Variants in DHRSX observed in about 807,000 individuals in gnomAD.
The protein encoded by DHRSX is polyprenol dehydrogenase.
DHRSX carries 31 observed loss-of-function variants against 34.0 expected under a neutral mutation model. That is an observed-to-expected ratio of 0.91 (90% CI 0.69 to 1.23). The LOEUF is 1.23. Among genes scored for constraint, DHRSX ranks in the 50% most tolerant of loss-of-function variants. DHRSX has a pLI of 0.00. For missense variants in DHRSX, 414 were observed against 428.1 expected, an observed-to-expected ratio of 0.97 and a Z score of 0.29; for synonymous variants, 201 against 183.8, an observed-to-expected ratio of 1.09 and a Z score of -0.76.
intron 6 of DHRSX, among the ~76,000 whole-genome samples, chrX:2,229,026 G>A (rs371694468): frequency 1.8e-4 from 28 of 152,240 alleles, no homozygotes; most frequent in African/African-American, 6.0e-4. Context: ...GGGCTTGGGC[G>A]GCAAACGCTC....
chrX:2,469,655 C>T (rs992905563), intron 1 of DHRSX, among the ~76,000 whole-genome samples: 9 of 151,438 alleles, frequency 5.9e-5, no homozygotes, highest in Non-Finnish European at 7.4e-5. Flanking sequence ...GGACTGCCAC[C>T]GTGTACACAC....
chrX:2,489,722 T>A, intron 1 of DHRSX: 1 of 1,613,088 alleles, frequency 6.2e-7, no homozygotes, highest in Admixed American at 1.7e-5. Context: ...CTGCTTCTCA[T>A]AGAGCATGTA....
At chrX:2,479,916 G>A (rs1487801308) in intron 1 of DHRSX, among the ~76,000 whole-genome samples, 1 of 152,186 alleles carries the variant, frequency 6.6e-6, no homozygotes, top group East Asian at 1.9e-4. Context: ...AGGGACGGAC[G>A]CCATGGACAC....
rs191740338 is a variant in DHRSX at position 2,395,011 on chromosome X, A to T, written c.286+13734T>A. Among the ~76,000 whole-genome samples, 440 of 152,098 alleles carry T rather than the reference A, an allele frequency of 2.9e-3. 1 individual carries two copies. Among genetic ancestry groups the T allele is most frequent in the African/African-American group, 0.01 (423 of 41,478 alleles). The stretch of plus-strand genomic sequence containing the variant: ...GGACAAGTGGTCCGAGTTACAGGTG[A>T]TGGGGAGAGGTTCGAGTCCCAGGTG... On this transcript the variant is annotated intron_variant, in intron 3 of 6. Coordinates refer to ENST00000334651, the MANE Select transcript of DHRSX (RefSeq NM_145177.3).
chrX:2,458,899 G>A (rs1381396613), intron 1 of DHRSX, among the ~76,000 whole-genome samples: 1 of 151,976 alleles, frequency 6.6e-6, no homozygotes, highest in Non-Finnish European at 1.5e-5. Flanking sequence ...CAGCTACTTG[G>A]GAGGCTGAGG....
At chrX:2,427,827 G>C (rs1487900769) in intron 1 of DHRSX, among the ~76,000 whole-genome samples, 1 of 152,078 alleles carries the variant, frequency 6.6e-6, no homozygotes, top group Non-Finnish European at 1.5e-5. Context: ...AACATATTTG[G>C]AATGTTCTTT....
intron 6 of DHRSX, among the ~76,000 whole-genome samples, chrX:2,223,103 G>A (rs758661790): frequency 6.6e-6 from 1 of 152,274 alleles, no homozygotes; most frequent in South Asian, 2.1e-4. Flanking sequence ...AGATTTGGAG[G>A]CTGATACGGT....
chrX:2,426,745 C>A lies in DHRSX; in HGVS notation c.110-1441G>T, dbSNP rs1042481482. ...CACTTCTTTCTCTCACTTTTTCCTT[C>A]CTTCCTTCCCTTCCCTTCCTTTCCT... On this transcript the variant is annotated intron_variant, in intron 1 of 6. Transcript: ENST00000334651. Among the ~76,000 whole-genome samples the A allele has an allele frequency of 2.7e-5, 4 of 147,790 alleles. No homozygotes were observed. In the Admixed American group the frequency reaches 2.7e-4, roughly 10 times the overall value.
chrX:2,275,157 A>T (rs2041608651), intron 4 of DHRSX, among the ~76,000 whole-genome samples: 1 of 151,932 alleles, frequency 6.6e-6, no homozygotes, highest in Admixed American at 6.6e-5. Flanking sequence ...CTATTTATTT[A>T]TTTTTGTCAA....
chrX:2,404,350 G>C (rs1382096981), intron 3 of DHRSX, among the ~76,000 whole-genome samples: 1 of 152,158 alleles, frequency 6.6e-6, no homozygotes, highest in East Asian at 1.9e-4. Context: ...TTGAAAACCT[G>C]CTGCAAATGA....
At chrX:2,397,049 A>G (rs1420907208) in intron 3 of DHRSX, among the ~76,000 whole-genome samples, 30 of 152,006 alleles carry the variant, frequency 2.0e-4, no homozygotes, top group Admixed American at 2.0e-3. Context: ...CGCCCAAGCT[A>G]AAGTACAGGG....
rs1240368977 is a variant in DHRSX at position 2,251,593 on chromosome X, T to C, written c.597-8363A>G. 6.6e-5 allele frequency among the ~76,000 whole-genome samples: 10 copies of C among 152,164 alleles called. No individual in the cohort carries two copies. In the East Asian group the frequency reaches 1.9e-3, roughly 29 times the overall value. On this transcript the variant is annotated intron_variant, in intron 5 of 6. Coordinates refer to ENST00000334651, the MANE Select transcript of DHRSX (RefSeq NM_145177.3). ...TAGGGCGGACGCATCAAGTGATAAATGACCCTGTCCCCTTTGTTCGCTGTA... is the reference window on the plus strand; with the variant it reads ...TAGGGCGGACGCATCAAGTGATAAACGACCCTGTCCCCTTTGTTCGCTGTA...
chrX:2,439,337 T>C (rs142855745), intron 1 of DHRSX, among the ~76,000 whole-genome samples: 1 of 152,156 alleles, frequency 6.6e-6, no homozygotes, highest in East Asian at 1.9e-4. Flanking sequence ...TTACAGAATG[T>C]ATATACATAT....
rs778057545 is a variant in DHRSX, at chrX:2,334,170, C to CTTTTTTTTTTTTTTTTTTTTTTTTTTTTT, written c.287-42568_287-42567insAAAAAAAAAAAAAAAAAAAAAAAAAAAAA. On this transcript the variant is annotated intron_variant, in intron 3 of 6. Coordinates refer to ENST00000334651, the MANE Select transcript of DHRSX (RefSeq NM_145177.3). ...TCTGTTGTTTTAACTCAAAAGTATG[C>CTTTTTTTTTTTTTTTTTTTTTTTTTTTTT]TTTTTTTTTTTGAGACACAGTCTTA... The CTTTTTTTTTTTTTTTTTTTTTTTTTTTTT allele has an allele frequency of 3.8e-5, 4 of 105,110 alleles. 1 individual carries two copies. The highest frequency in any genetic ancestry group is 1.7e-4 in the African/African-American group (4 of 24,220). The allele number at this position is 105,110 out of a possible 1,614,324, so 6.5% of individuals were successfully genotyped here.
intron 2 of DHRSX, among the ~76,000 whole-genome samples, chrX:2,416,588 A>G (rs1458042559): frequency 2.0e-5 from 3 of 152,208 alleles, no homozygotes; most frequent in African/African-American, 4.8e-5. Flanking sequence ...GCTCATAGTT[A>G]TGAGAGAAAC....
intron 1 of DHRSX, among the ~76,000 whole-genome samples, chrX:2,466,402 C>G (rs2044496945): frequency 6.6e-6 from 1 of 151,818 alleles, no homozygotes; most frequent in Non-Finnish European, 1.5e-5. Flanking sequence ...CACACCACTG[C>G]ACTCCAGCCT....
intron 3 of DHRSX, among the ~76,000 whole-genome samples, chrX:2,326,611 A>G (rs2042389394): frequency 6.6e-6 from 1 of 152,108 alleles, no homozygotes; most frequent in Non-Finnish European, 1.5e-5. Context: ...GAGCTCCACC[A>G]GGTTCCCAGG....
intron 2 of DHRSX, among the ~76,000 whole-genome samples, chrX:2,423,099 A>T (rs2043801221): frequency 6.7e-6 from 1 of 148,778 alleles, no homozygotes; most frequent in African/African-American, 2.5e-5. Context: ...CACCACGCCC[A>T]GCCGCCAAAA....
chrX:2,304,195 G>GGATA (rs2042067034), intron 3 of DHRSX, among the ~76,000 whole-genome samples: 3 of 110,338 alleles, frequency 2.7e-5, no homozygotes, highest in African/African-American at 1.1e-4. Context: ...ATGGATGGAT[G>GGATA]GATGGATAAA....
Sources: gnomAD v4.1 joint callset for allele counts (sites outside exome capture counted in the v4.1 genomes callset) on GRCh38, gnomAD v4.1.1 for gene constraint, MANE v1.5 for transcripts, NCBI Gene and HGNC (gene_info 2026-07-23, HGNC 2026-07-21) for gene names.